The following MITF variants were observed in gnomAD, a reference collection of about 807,000 sequenced individuals.
MITF encodes microphthalmia-associated transcription factor.
In MITF, 17 loss-of-function variants were observed where a neutral mutation model predicts 60.5. The observed-to-expected ratio is 0.28, with a 90% CI of 0.19 to 0.42. The LOEUF is 0.42. MITF is among the 10% of genes least tolerant of loss of function. MITF has a pLI of 1.00. For synonymous variants in MITF, 260 were observed against 248.5 expected (o/e 1.05, Z -0.43); for missense variants, 622 against 683.5 (o/e 0.91, Z 1.00).
rs543719468 is a variant in MITF at position 69,855,530 on chromosome 3, A to C, written c.105-23604A>C. Among the ~76,000 whole-genome samples, 6 of 152,268 alleles carry C rather than the reference A, an allele frequency of 3.9e-5. No individual in the cohort carries two copies. The East Asian group carries it at 1.2e-3, about 29-fold the overall frequency. On this transcript the variant is annotated intron_variant, in intron 1 of 9. Transcript: ENST00000352241. ...AACATTTAAAGTATATTTAGTTAGC[A>C]CACAGCTCTCCCGTAACTTTGTGTA...
intron 1 of MITF, among the ~76,000 whole-genome samples, chr3:69,755,000 G>A (rs368764296): frequency 3.3e-5 from 5 of 152,240 alleles, no homozygotes; most frequent in African/African-American, 9.6e-5. Flanking sequence ...CTTTAAGTTA[G>A]GTAATCAGCA....
intron 1 of MITF, among the ~76,000 whole-genome samples, chr3:69,839,118 A>G (rs2063585520): frequency 6.6e-6 from 1 of 152,120 alleles, no homozygotes; most frequent in South Asian, 2.1e-4. Context: ...TACTGAAACA[A>G]TGTCATGCAT....
Position 69,797,746 on chromosome 3 carries a change from A to G in MITF, c.104+58045A>G, listed in dbSNP as rs187536427. Among the ~76,000 whole-genome samples the G allele has an allele frequency of 8.5e-5, 13 of 152,338 alleles. 1 individual carries two copies. Among genetic ancestry groups the G allele is most frequent in the Middle Eastern group, 3.4e-3 (1 of 294 alleles). The stretch of plus-strand genomic sequence containing the variant: ...ATTGTCAAAGTCATTTCTTCCACCC[A>G]TGTTGGTGGAAATACCCAACATTTT... On this transcript the variant is annotated intron_variant, in intron 1 of 9. Transcript: ENST00000352241.
At chr3:69,951,300 G>C (rs1465480035) in intron 6 of MITF, among the ~76,000 whole-genome samples, 1 of 151,674 alleles carries the variant, frequency 6.6e-6, no homozygotes, top group East Asian at 1.9e-4. Context: ...GGCTGATCTT[G>C]AACTCCTGGG....
chr3:69,955,913 G>T (rs2066386288), intron 7 of MITF, among the ~76,000 whole-genome samples: 1 of 152,096 alleles, frequency 6.6e-6, no homozygotes, highest in South Asian at 2.1e-4. Context: ...TCATTGATTT[G>T]CCTTGCAAAA....
intron 1 of MITF, among the ~76,000 whole-genome samples, chr3:69,834,749 T>C (rs990225456): frequency 1.3e-5 from 2 of 152,128 alleles, no homozygotes; most frequent in Non-Finnish European, 2.9e-5. Context: ...GGAACCTTCC[T>C]ACTGTTTTCC....
At position 69,943,772 on chromosome 3, in the gene MITF, G is replaced by C. The variant is rs148982008; in HGVS notation, c.762+2441G>C. On this transcript the variant is annotated intron_variant, in intron 5 of 9. Coordinates refer to ENST00000352241, the MANE Select transcript of MITF (RefSeq NM_001354604.2). ...CACCCCTTCTGAAGACAGTTGTCAT[G>C]ACCCCATATATGCTTCTGTCCTTTA... Among the ~76,000 whole-genome samples the C allele has an allele frequency of 9.0e-3, 1,373 of 152,130 alleles. 3 individuals are homozygous for C. The highest frequency in any genetic ancestry group is 0.013 in the Non-Finnish European group (891 of 67,998).
intron 8 of MITF, 89 bp from the exon 9 acceptor site, chr3:69,959,184 G>A (rs934013759): frequency 6.7e-7 from 1 of 1,485,926 alleles, no homozygotes; most frequent in African/African-American, 1.4e-5. Flanking sequence ...ATTTTAAAAA[G>A]TTCAAAAAGA....
chr3:69,945,345 T>G (rs1267214944), intron 5 of MITF, among the ~76,000 whole-genome samples: 1 of 152,184 alleles, frequency 6.6e-6, no homozygotes, highest in Non-Finnish European at 1.5e-5. Context: ...CATGGTGCAG[T>G]TTGTGCTCTG....
At chr3:69,788,132 C>CT (rs869065385) in intron 1 of MITF, among the ~76,000 whole-genome samples, 22 of 147,984 alleles carry the variant, frequency 1.5e-4, no homozygotes, top group South Asian at 8.6e-4. Context: ...TTTTCTTTTT[C>CT]TTTTTTTTTT....
At chr3:69,787,707 T>C (rs1020594312) in intron 1 of MITF, among the ~76,000 whole-genome samples, 1 of 152,204 alleles carries the variant, frequency 6.6e-6, no homozygotes, top group African/African-American at 2.4e-5. Flanking sequence ...TTGATCTCAG[T>C]ATGACTGCTC....
chr3:69,830,644 A>G (rs187935998), intron 1 of MITF, among the ~76,000 whole-genome samples: 59 of 152,270 alleles, frequency 3.9e-4, no homozygotes, highest in Admixed American at 2.6e-3. Flanking sequence ...GTCTCTGCTC[A>G]CTGCTGTATC....
At chr3:69,790,261 C>T (rs1248165876) in intron 1 of MITF, among the ~76,000 whole-genome samples, 1 of 152,056 alleles carries the variant, frequency 6.6e-6, no homozygotes, top group Non-Finnish European at 1.5e-5. Flanking sequence ...AATCCACTTA[C>T]ATGAGGTATG....
At chr3:69,746,047 G>A (rs1703712858) in intron 1 of MITF, among the ~76,000 whole-genome samples, 1 of 152,172 alleles carries the variant, frequency 6.6e-6, no homozygotes, top group African/African-American at 2.4e-5. Flanking sequence ...CAAGATTGAG[G>A]TGCCTCAACC....
intron 1 of MITF, among the ~76,000 whole-genome samples, chr3:69,780,714 C>T (rs2062549158): frequency 6.6e-6 from 1 of 152,118 alleles, no homozygotes; most frequent in South Asian, 2.1e-4. Flanking sequence ...AGCAGGGTAA[C>T]CAGACTAATT....
At position 69,941,276 on chromosome 3, in the gene MITF, G is replaced by A. The variant is rs1462127771; in HGVS notation, c.707G>A (p.Ser236Asn). 3 of 1,613,106 alleles carry A rather than the reference G, an allele frequency of 1.9e-6. No individual in the cohort carries two copies. Among genetic ancestry groups the A allele is most frequent in the Non-Finnish European group, 2.5e-6 (3 of 1,179,416 alleles). ...VIDDIISLES[S>N]YNEEILGLMD... The stretch of plus-strand genomic sequence containing the variant: ...GATGACATCATTAGCCTAGAATCAA[G>A]TTATAATGAGGAAATCTTGGGCTTG... The change falls in exon 5 of 10, where the codon AGT becomes AAT. Residue 236 changes from serine to asparagine, a missense_variant. Around this residue, in one of 5 missense-constraint regions of MITF, gnomAD observed 215 missense variants for 224.8 expected, o/e 0.96. Coordinates refer to ENST00000352241, the MANE Select transcript of MITF (RefSeq NM_001354604.2).
chr3:69,864,630 C>A (rs2064078707), intron 1 of MITF, among the ~76,000 whole-genome samples: 1 of 152,064 alleles, frequency 6.6e-6, no homozygotes, highest in African/African-American at 2.4e-5. Context: ...CTCATCGTTC[C>A]CCTGCTTGCC....
chr3:69,827,440 T>C (rs1463343247), intron 1 of MITF, among the ~76,000 whole-genome samples: 1 of 152,238 alleles, frequency 6.6e-6, no homozygotes, highest in Admixed American at 6.5e-5. Flanking sequence ...ACTATCCATT[T>C]GGGACATATT....
chr3:69,766,376 ATTTTTTTTTTTTTTTT>A (rs753953309), intron 1 of MITF, among the ~76,000 whole-genome samples: 1 of 95,140 alleles, frequency 1.1e-5, no homozygotes, highest in African/African-American at 4.5e-5. Flanking sequence ...TGCCCAGCTA[ATTTTTTTTTTTTTTTT>A]TTTTTTTTTT....
Sources: allele counts gnomAD v4.1 joint callset (sites outside exome capture counted in the v4.1 genomes callset), GRCh38; gene constraint gnomAD v4.1.1; regional missense constraint gnomAD v4.1.1; transcripts MANE v1.5; gene names NCBI Gene and HGNC (gene_info 2026-07-23, HGNC 2026-07-21).